Variants in LMAN1 observed in about 807,000 individuals in gnomAD.
LMAN1 encodes the protein protein ERGIC-53.
A neutral mutation model predicts 67.8 loss-of-function variants in LMAN1; 32 were observed. The observed-to-expected ratio is 0.47, with a 90% CI of 0.36 to 0.63. LMAN1 has a LOEUF of 0.63. Ranked by LOEUF, LMAN1 falls within the 30% of genes least tolerant of loss-of-function variation. The probability of loss-of-function intolerance (pLI) is 0.00; values close to 1 mark genes in which losing one functional copy is unlikely to be tolerated. For synonymous variants in LMAN1, 235 were observed against 219.3 expected (o/e 1.07, Z -0.63); for missense variants, 632 against 628.2 (o/e 1.01, Z -0.06).
intron 11 of LMAN1, 46 bp from the exon 12 acceptor site, chr18:59,331,585 T>A: frequency 6.2e-7 from 1 of 1,600,054 alleles, no homozygotes; most frequent in Non-Finnish European, 8.6e-7. Flanking sequence ...AAATAGCAGT[T>A]TGGAAAAAGA....
Position 59,331,127 on chromosome 18 carries a change from G to C in LMAN1, c.1499C>G (p.Ser500Cys). ...VLFIGYIMYRSQQEAAAKKFF is the reference protein window; with the variant it reads ...VLFIGYIMYRCQQEAAAKKFF ...TTTTTTGGCAGCTGCTTCTTGCTGA[G>C]ACCTAATGAAAAAAAGAAACAAACA... The change falls in exon 13 of 13, where the codon TCT becomes TGT. Residue 500 changes from serine to cysteine, a missense_variant and splice_region_variant. Physicochemically the swap from Ser to Cys is moderately radical, Grantham distance 112. Transcript: ENST00000251047. 1 of 1,611,038 alleles carries C rather than the reference G, an allele frequency of 6.2e-7. No individual in the cohort carries two copies. The highest frequency in any genetic ancestry group is 8.5e-7 in the Non-Finnish European group (1 of 1,177,864).
chr18:59,340,222 G>C (rs117384617), intron 8 of LMAN1, among the ~76,000 whole-genome samples: 1 of 152,112 alleles, frequency 6.6e-6, no homozygotes, highest in South Asian at 2.1e-4. Context: ...GAATAACTAA[G>C]AAAATAATTG....
intron 3 of LMAN1, 111 bp from the exon 4 acceptor site, chr18:59,354,691 TA>T: frequency 3.4e-6 from 2 of 583,302 alleles, no homozygotes; most frequent in Non-Finnish European, 3.0e-6. Context: ...CTCAAAATTT[TA>T]AAATAACCTG....
intron 8 of LMAN1, among the ~76,000 whole-genome samples, chr18:59,341,827 A>C (rs948611545): frequency 2.0e-5 from 3 of 152,148 alleles, no homozygotes; most frequent in African/African-American, 7.2e-5. Flanking sequence ...AGAAATAACA[A>C]ACATAAGAGC....
chr18:59,345,096 G>GT (rs573327806), intron 8 of LMAN1, among the ~76,000 whole-genome samples: 201 of 152,270 alleles, frequency 1.3e-3, no homozygotes, highest in African/African-American at 4.3e-3. Context: ...ATGTGATGAT[G>GT]TTTAAAACAA....
At chr18:59,353,361 C>T (rs1350869771) in intron 4 of LMAN1, 60 bp from the exon 5 acceptor site, 4 of 1,187,098 alleles carry the variant, frequency 3.4e-6, no homozygotes, top group Middle Eastern at 3.8e-4. Context: ...TTTAAAAATT[C>T]AGGAAGACTA....
At chr18:59,354,628 C>G (rs950477656) in intron 3 of LMAN1, 48 bp from the exon 4 acceptor site, 3 of 954,722 alleles carry the variant, frequency 3.1e-6, no homozygotes, top group Non-Finnish European at 5.0e-6. Context: ...TCAAAGCATT[C>G]TACATCATTC....
In LMAN1 at chr18:59,355,638, G is replaced by C. The variant is rs750437324; in HGVS notation, c.235C>G (p.Gln79Glu). Residue 79 changes from glutamine to glutamate, a missense_variant, in exon 2 of 13, where the codon CAA becomes GAA. Gln to Glu is a conservative substitution (Grantham distance 29, BLOSUM62 2). Transcript: ENST00000251047. ...TTTAAAGATGGTGCTACTCGAATTT[G>C]ATCTGAACTTGGAATAGCATCTAGA... is the stretch of plus-strand genomic sequence containing the variant. ...HAGNAIPSSD[Q>E]IRVAPSLKSQ... The C allele has an allele frequency of 2.5e-6, 4 of 1,613,836 alleles. No homozygotes were observed. The highest frequency in any genetic ancestry group is 3.4e-6 in the Non-Finnish European group (4 of 1,179,912).
At chr18:59,331,156 A>C (rs781444786) in intron 12 of LMAN1, 27 bp from the exon 13 acceptor site, 1 of 1,601,388 alleles carries the variant, frequency 6.2e-7, no homozygotes, top group South Asian at 1.1e-5. Flanking sequence ...ACAAACACTT[A>C]AAGAAGTTCT....
Position 59,347,558 on chromosome 18 carries a change from G to T in LMAN1, c.777C>A (p.Val259=). The T allele has an allele frequency of 1.2e-6, 2 of 1,606,174 alleles. No homozygotes were observed. Among genetic ancestry groups the T allele is most frequent in the Non-Finnish European group, 1.7e-6 (2 of 1,175,602 alleles). ...ATGGLADDHD[V]LSFLTFQLTE... Reference sequence around the variant, plus strand: ...TCAACTGGAAAGTCAGAAAAGAAAGGACATCATGGTCATCTACAAATTAAA... The same window carrying T: ...TCAACTGGAAAGTCAGAAAAGAAAGTACATCATGGTCATCTACAAATTAAA... Residue 259 remains valine (V), a synonymous_variant, in exon 7 of 13, where the codon GTC becomes GTA. Coordinates refer to ENST00000251047, the MANE Select transcript of LMAN1 (RefSeq NM_005570.4).
chr18:59,355,175 A>G, intron 3 of LMAN1, 138 bp downstream of exon 3: 1 of 722,166 alleles, frequency 1.4e-6, no homozygotes, highest in Non-Finnish European at 2.5e-6. Flanking sequence ...ATAAAGACTA[A>G]TTATCACATT....
At chr18:59,352,873 A>T (rs1908574174) in intron 5 of LMAN1, 1 of 350,610 alleles carries the variant, frequency 2.9e-6, no homozygotes, top group Non-Finnish European at 5.5e-6. Flanking sequence ...TGTCTTACTC[A>T]TATTTGTATC....
chr18:59,349,077 C>T, intron 6 of LMAN1, 36 bp downstream of exon 6: 1 of 1,613,028 alleles, frequency 6.2e-7, no homozygotes, highest in Non-Finnish European at 8.5e-7. Flanking sequence ...AAACACACCT[C>T]ACAAACTTTT....
chr18:59,355,704 A>G, intron 1 of LMAN1, 46 bp from the exon 2 acceptor site: 2 of 1,590,882 alleles, frequency 1.3e-6, no homozygotes, highest in East Asian at 2.2e-5. Flanking sequence ...ATAATTAGGT[A>G]AAACTCAATG....
At chr18:59,333,404 G>T in intron 10 of LMAN1, 160 bp from the exon 11 acceptor site, 1 of 596,900 alleles carries the variant, frequency 1.7e-6, no homozygotes, top group Non-Finnish European at 2.9e-6. Context: ...TTCAAAATTG[G>T]AAAATAATTT....
intron 7 of LMAN1, 28 bp from the exon 8 acceptor site, chr18:59,346,079 A>G: frequency 6.4e-7 from 1 of 1,560,208 alleles, no homozygotes; most frequent in South Asian, 1.2e-5. Flanking sequence ...GGAATAGATC[A>G]TTAAAAAGAT....
chr18:59,350,589 G>C (rs868154513), intron 5 of LMAN1, among the ~76,000 whole-genome samples: 1 of 152,060 alleles, frequency 6.6e-6, no homozygotes, highest in Non-Finnish European at 1.5e-5. Context: ...CTGCCTCCAG[G>C]GTTCACGCCA....
chr18:59,333,291 T>C (rs748883445), intron 10 of LMAN1, 47 bp from the exon 11 acceptor site: 2 of 1,516,534 alleles, frequency 1.3e-6, no homozygotes, highest in South Asian at 2.4e-5. Flanking sequence ...ATAAAGTTTT[T>C]TTTTTTCAGT....
intron 12 of LMAN1, 114 bp from the exon 13 acceptor site, chr18:59,331,243 A>G (rs1603393619): frequency 9.3e-7 from 1 of 1,069,772 alleles, no homozygotes; most frequent in Non-Finnish European, 1.4e-6. Flanking sequence ...CAACGCATTA[A>G]GATAAACATA....
Sources: allele counts gnomAD v4.1 joint callset (sites outside exome capture counted in the v4.1 genomes callset), GRCh38; gene constraint gnomAD v4.1.1; transcripts MANE v1.5; gene names NCBI Gene and HGNC (gene_info 2026-07-23, HGNC 2026-07-21).